Variants in SOBP observed in about 807,000 individuals in gnomAD.
The protein encoded by SOBP is sine oculis-binding protein homolog.
In SOBP, 4 loss-of-function variants were observed where a neutral mutation model predicts 53.6. The observed-to-expected ratio is 0.07, with a 90% CI of 0.04 to 0.17. The LOEUF is 0.17. Among genes scored for constraint, SOBP ranks in the 10% least tolerant of loss-of-function variants. The pLI, the probability that SOBP is intolerant of heterozygous loss-of-function variation, is 1.00. For missense variants in SOBP, 1,088 were observed against 1,204.7 expected (o/e 0.90, Z 1.43); for synonymous variants, 584 against 522.6 (o/e 1.12, Z -1.60).
At chr6:107,593,120 T>C (rs909564647) in intron 5 of SOBP, among the ~76,000 whole-genome samples, 1 of 152,228 alleles carries the variant, frequency 6.6e-6, no homozygotes, top group South Asian at 2.1e-4. Context: ...TGCCATAGTC[T>C]TGTAGTTCAG....
At chr6:107,605,802 G>A (rs562274058) in intron 5 of SOBP, among the ~76,000 whole-genome samples, 8 of 152,276 alleles carry the variant, frequency 5.3e-5, no homozygotes, top group Non-Finnish European at 1.0e-4. Flanking sequence ...CGGGGACATT[G>A]CCTGGGCCCC....
chr6:107,624,832 G>C (rs1770386622), intron 5 of SOBP, among the ~76,000 whole-genome samples: 1 of 152,194 alleles, frequency 6.6e-6, no homozygotes, highest in African/African-American at 2.4e-5. Context: ...GGTTTCACCT[G>C]CGAAGTTCCT....
At chr6:107,569,247 G>T (rs1264079810) in intron 4 of SOBP, among the ~76,000 whole-genome samples, 1 of 152,194 alleles carries the variant, frequency 6.6e-6, no homozygotes, top group South Asian at 2.1e-4. Context: ...ACAGTAGGCT[G>T]CAGGCTTCAG....
intron 6 of SOBP, among the ~76,000 whole-genome samples, chr6:107,647,031 C>T (rs1334704055): frequency 6.6e-6 from 1 of 152,172 alleles, no homozygotes; most frequent in Non-Finnish European, 1.5e-5. Context: ...GGATGCATTG[C>T]CTAAGGACAG....
chr6:107,575,437 G>A (rs1232242756), intron 4 of SOBP, among the ~76,000 whole-genome samples: 1 of 152,182 alleles, frequency 6.6e-6, no homozygotes, highest in African/African-American at 2.4e-5. Context: ...CCTTCATACA[G>A]TGGGGTTTCC....
intron 5 of SOBP, among the ~76,000 whole-genome samples, chr6:107,611,759 C>A (rs1734749062): frequency 6.6e-6 from 1 of 152,146 alleles, no homozygotes; most frequent in Non-Finnish European, 1.5e-5. Flanking sequence ...GCAGACTTTG[C>A]TCAATTAAGC....
chr6:107,593,719 C>A (rs1478963129), intron 5 of SOBP, among the ~76,000 whole-genome samples: 4 of 152,174 alleles, frequency 2.6e-5, no homozygotes, highest in Non-Finnish European at 5.9e-5. Flanking sequence ...AATAAAAGCT[C>A]AACAACCAGT....
chr6:107,503,581 C>G lies in SOBP; in HGVS notation c.97-76C>G, dbSNP rs79222878. The stretch of plus-strand genomic sequence containing the variant: ...CTGCAAATAAATGAGGTAGGACAAG[C>G]AGAATTCAATTTATGCATTCTTTTC... On this transcript the variant is annotated intron_variant, in intron 1 of 6. Coordinates refer to ENST00000317357, the MANE Select transcript of SOBP (RefSeq NM_018013.4). The G allele has an allele frequency of 9.0e-4, 1,339 of 1,495,996 alleles. 10 individuals carry two copies. The African/African-American group carries it at 0.016, about 18-fold the overall frequency. The allele number at this position is 1,495,996 out of a possible 1,614,324, so 92.7% of individuals were successfully genotyped here. A position where few individuals can be genotyped will look rare whatever the true frequency, so the allele number is the denominator to read the frequency against.
At chr6:107,506,195 G>T in intron 2 of SOBP, 47 bp from the exon 3 acceptor site, 1 of 1,538,918 alleles carries the variant, frequency 6.5e-7, no homozygotes. Flanking sequence ...TAAGTCTACT[G>T]CATTACATTC....
chr6:107,519,028 A>G (rs1783407314), intron 3 of SOBP, among the ~76,000 whole-genome samples: 2 of 151,494 alleles, frequency 1.3e-5, no homozygotes, highest in African/African-American at 4.9e-5. Flanking sequence ...AAGCCTAAAA[A>G]TTAAGTTATA....
intron 4 of SOBP, among the ~76,000 whole-genome samples, chr6:107,581,452 G>A (rs1785400344): frequency 6.6e-6 from 1 of 152,152 alleles, no homozygotes; most frequent in Non-Finnish European, 1.5e-5. Context: ...GGGGAGGCAG[G>A]GAGCTACTCT....
intron 1 of SOBP, among the ~76,000 whole-genome samples, chr6:107,495,123 C>A (rs1311752811): frequency 6.6e-6 from 1 of 152,222 alleles, no homozygotes. Flanking sequence ...GACCCCAGAT[C>A]CCACTGTGGC....
At chr6:107,536,714 A>G (rs1784008720) in intron 4 of SOBP, among the ~76,000 whole-genome samples, 1 of 152,208 alleles carries the variant, frequency 6.6e-6, no homozygotes. Context: ...TGCTACGAAT[A>G]TTAGGCTTTC....
chr6:107,578,629 A>G (rs918167370), intron 4 of SOBP, among the ~76,000 whole-genome samples: 7 of 152,196 alleles, frequency 4.6e-5, no homozygotes, highest in Admixed American at 3.3e-4. Flanking sequence ...TATATGTATG[A>G]GTGTGTGCAT....
chr6:107,557,829 T>C (rs1394208678), intron 4 of SOBP: 1 of 150,714 alleles, frequency 6.6e-6, no homozygotes, highest in African/African-American at 2.4e-5. Context: ...TCTTTTGTGA[T>C]TTTTTAGGTT....
At chr6:107,532,558 C>A (rs77615349) in intron 3 of SOBP, among the ~76,000 whole-genome samples, 1 of 152,130 alleles carries the variant, frequency 6.6e-6, no homozygotes, top group African/African-American at 2.4e-5. Flanking sequence ...TTTGTGATAT[C>A]ATGGGCTCAT....
At position 107,634,913 on chromosome 6, in the gene SOBP, G is replaced by GCGGCGGCTGCAGGGA. The variant is rs1206589688; in HGVS notation, c.2074_2088dup (p.Gly692_Gly696dup). 2 of 1,229,776 alleles carry GCGGCGGCTGCAGGGA rather than the reference G, an allele frequency of 1.6e-6. No individual in the cohort carries two copies. The highest frequency in any genetic ancestry group is 2.0e-6 in the Non-Finnish European group (2 of 977,426). 76.2% of individuals were successfully genotyped at this position (1,229,776 alleles called of 1,614,324 possible). A position where few individuals can be genotyped will look rare whatever the true frequency, so the allele number is the denominator to read the frequency against. On this transcript the variant is annotated inframe_insertion, in exon 6 of 7. Coordinates refer to ENST00000317357, the MANE Select transcript of SOBP (RefSeq NM_018013.4). The surrounding 1 kb of genome is among the most constrained non-coding windows in gnomAD (Gnocchi z 4.5). The stretch of plus-strand genomic sequence containing the variant: ...CCGAGCGCCGCGGAGCGCAGGACCT[G>GCGGCGGCTGCAGGGA]CGGCGGCTGCAGGGACGGCCACTGC...
chr6:107,595,188 G>C (rs890303264), intron 5 of SOBP, among the ~76,000 whole-genome samples: 1 of 152,148 alleles, frequency 6.6e-6, no homozygotes, highest in Non-Finnish European at 1.5e-5. Context: ...CGGATTCCCA[G>C]TGCATAATAA....
intron 4 of SOBP, among the ~76,000 whole-genome samples, chr6:107,535,758 G>A (rs1198531582): frequency 6.6e-6 from 1 of 151,742 alleles, no homozygotes; most frequent in Non-Finnish European, 1.5e-5. Flanking sequence ...AACATGTACA[G>A]CTGCTGCATT....
Sources: gnomAD v4.1 joint callset for allele counts (sites outside exome capture counted in the v4.1 genomes callset) on GRCh38, gnomAD v4.1.1 for gene constraint, Gnocchi (gnomAD v3.1) non-coding constraint, MANE v1.5 for transcripts, NCBI Gene and HGNC (gene_info 2026-07-23, HGNC 2026-07-21) for gene names.